The following CDH12 variants were observed in gnomAD, a reference collection of about 807,000 sequenced individuals.
The protein encoded by CDH12 is cadherin-12.
In CDH12, 41 loss-of-function variants were observed where a neutral mutation model predicts 74.1. The ratio of observed to expected loss-of-function variants is 0.55; its 90% CI spans 0.43 to 0.72. The LOEUF (loss-of-function observed/expected upper bound fraction) is 0.72, where lower values mean the gene tolerates loss of function less well. Among genes scored for constraint, CDH12 ranks in the 30% least tolerant of loss-of-function variants. The probability of loss-of-function intolerance (pLI) is 0.00; values close to 1 mark genes in which losing one functional copy is unlikely to be tolerated. For missense variants in CDH12, 945 were observed against 977.2 expected (o/e 0.97, Z 0.44); for synonymous variants, 399 against 355.0 (o/e 1.12, Z -1.39).
chr5:21,794,880 A>C (rs2149912653), intron 10 of CDH12, among the ~76,000 whole-genome samples: 1 of 151,674 alleles, frequency 6.6e-6, no homozygotes, highest in Admixed American at 6.6e-5. Context: ...CTCATTTTGT[A>C]TAACTCTAAT....
intron 9 of CDH12, among the ~76,000 whole-genome samples, chr5:21,807,672 T>C (rs1454185880): frequency 6.6e-6 from 1 of 152,014 alleles, no homozygotes; most frequent in Non-Finnish European, 1.5e-5. Context: ...TATAGATATT[T>C]TGAGGAATTT....
At chr5:22,373,561 T>TA (rs1741389515) in intron 3 of CDH12, among the ~76,000 whole-genome samples, 1 of 152,276 alleles carries the variant, frequency 6.6e-6, no homozygotes, top group East Asian at 1.9e-4. Flanking sequence ...AGAACACTGC[T>TA]ACCACCACTG....
chr5:22,529,528 G>C lies in CDH12; in HGVS notation c.-522-24164C>G, dbSNP rs80152263. Among the ~76,000 whole-genome samples, 399 of 152,168 alleles carry C rather than the reference G, an allele frequency of 2.6e-3. 5 individuals are homozygous for C. Among genetic ancestry groups the C allele is most frequent in the African/African-American group, 9.0e-3 (373 of 41,534 alleles). ...TACTTTGGGGAGAGTCAGCCTTTTGGTTCCATCTAGGCCATCAGCTGATTG... is the reference window on the plus strand; with the variant it reads ...TACTTTGGGGAGAGTCAGCCTTTTGCTTCCATCTAGGCCATCAGCTGATTG... On this transcript the variant is annotated intron_variant, in intron 1 of 14. Coordinates refer to ENST00000382254, the MANE Select transcript of CDH12 (RefSeq NM_004061.5).
intron 5 of CDH12, among the ~76,000 whole-genome samples, chr5:22,021,435 A>G (rs1737966430): frequency 6.6e-6 from 1 of 152,188 alleles, no homozygotes; most frequent in African/African-American, 2.4e-5. Context: ...TGACCTAGGG[A>G]AAGTACCGAG....
At chr5:22,625,488 C>T (rs1738239012) in intron 1 of CDH12, among the ~76,000 whole-genome samples, 1 of 152,122 alleles carries the variant, frequency 6.6e-6, no homozygotes, top group East Asian at 1.9e-4. Context: ...GGGAAGGATG[C>T]CAGCCTGTAT....
chr5:22,097,989 A>C (rs1390566643), intron 4 of CDH12, among the ~76,000 whole-genome samples: 1 of 152,220 alleles, frequency 6.6e-6, no homozygotes, highest in Non-Finnish European at 1.5e-5. Context: ...TGCCTTATCA[A>C]CCAAATTGTT....
intron 2 of CDH12, among the ~76,000 whole-genome samples, chr5:22,430,733 A>G (rs1392082622): frequency 1.3e-5 from 2 of 152,164 alleles, no homozygotes; most frequent in South Asian, 2.1e-4. Flanking sequence ...ATATTGGCCA[A>G]TGAAATTGCT....
intron 1 of CDH12, among the ~76,000 whole-genome samples, chr5:22,780,913 C>G (rs1026965869): frequency 6.6e-6 from 1 of 152,126 alleles, no homozygotes; most frequent in African/African-American, 2.4e-5. Flanking sequence ...GAACAGCTCA[C>G]TGTCAGCTGA....
intron 2 of CDH12, among the ~76,000 whole-genome samples, chr5:22,436,404 C>T (rs1744395765): frequency 6.7e-6 from 1 of 149,736 alleles, no homozygotes; most frequent in Non-Finnish European, 1.5e-5. Context: ...CAAACCTGCA[C>T]GTTGTGCACA....
chr5:22,356,408 C>A (rs1465855292), intron 3 of CDH12, among the ~76,000 whole-genome samples: 2 of 152,150 alleles, frequency 1.3e-5, no homozygotes, highest in Non-Finnish European at 2.9e-5. Context: ...ATTCCATTTA[C>A]AATGAGTATG....
In CDH12 at chr5:21,920,362, C is replaced by A. The variant is rs560209408; in HGVS notation, c.526+54729G>T. 1.8e-4 allele frequency among the ~76,000 whole-genome samples: 27 copies of A among 152,152 alleles called. 1 individual carries two copies. Among genetic ancestry groups the A allele is most frequent in the South Asian group, 1.7e-3 (8 of 4,826 alleles). On this transcript the variant is annotated intron_variant, in intron 6 of 14. Coordinates refer to ENST00000382254, the MANE Select transcript of CDH12 (RefSeq NM_004061.5). ...TCAGATATCTTGGCTCTATCAGAAGCCTCAGATGAATGTAAGTTACTTTGA... is the reference window on the plus strand; with the variant it reads ...TCAGATATCTTGGCTCTATCAGAAGACTCAGATGAATGTAAGTTACTTTGA...
At chr5:22,093,523 A>G (rs1351134513) in intron 4 of CDH12, among the ~76,000 whole-genome samples, 1 of 152,208 alleles carries the variant, frequency 6.6e-6, no homozygotes, top group Non-Finnish European at 1.5e-5. Flanking sequence ...GTTATAAAAG[A>G]TTACATATTA....
In CDH12 at chr5:22,077,047, AGTGTGTGTGT is replaced by A. The variant is rs5866546; in HGVS notation, c.231+1389_231+1398del. Among the ~76,000 whole-genome samples the A allele has an allele frequency of 8.6e-4, 128 of 149,122 alleles. 1 individual carries two copies. The highest frequency in any genetic ancestry group is 4.1e-3 in the South Asian group (19 of 4,658). On this transcript the variant is annotated intron_variant, in intron 5 of 14. Transcript: ENST00000382254. ...TAGTTCATAGTTCTTGCTTAATGGC[AGTGTGTGTGT>A]GTGTGTGTGTGTGTGTGTGTGCGCG...
intron 4 of CDH12, among the ~76,000 whole-genome samples, chr5:22,123,918 G>A (rs1269627562): frequency 6.6e-6 from 1 of 151,330 alleles, no homozygotes; most frequent in African/African-American, 2.4e-5. Context: ...TCGTTTCCTT[G>A]AGTTTTTTAA....
chr5:21,795,778 CTG>C (rs1243970435), intron 10 of CDH12, among the ~76,000 whole-genome samples: 2 of 151,948 alleles, frequency 1.3e-5, no homozygotes, highest in Non-Finnish European at 1.5e-5. Flanking sequence ...CCAAAGTGTG[CTG>C]TGTCTGAACT....
At chr5:22,720,047 C>CAA (rs34786620) in intron 1 of CDH12, among the ~76,000 whole-genome samples, 2 of 151,760 alleles carry the variant, frequency 1.3e-5, no homozygotes, top group South Asian at 2.1e-4. Context: ...AACACACACA[C>CAA]ACACACACAC....
chr5:22,509,784 C>A (rs143852993), intron 1 of CDH12, among the ~76,000 whole-genome samples: 1 of 152,100 alleles, frequency 6.6e-6, no homozygotes, highest in East Asian at 1.9e-4. Flanking sequence ...CAAGACTGGC[C>A]ATAGATAGAA....
At chr5:22,403,116 T>C (rs1056786716) in intron 3 of CDH12, among the ~76,000 whole-genome samples, 1 of 152,158 alleles carries the variant, frequency 6.6e-6, no homozygotes, top group Non-Finnish European at 1.5e-5. Flanking sequence ...GAGAGAGGCA[T>C]GGACTGCATT....
At chr5:21,812,631 A>T (rs1747810553) in intron 9 of CDH12, among the ~76,000 whole-genome samples, 1 of 152,158 alleles carries the variant, frequency 6.6e-6, no homozygotes, top group African/African-American at 2.4e-5. Flanking sequence ...ATTCAATGAG[A>T]TATTTTCTCA....
Sources: allele counts gnomAD v4.1 joint callset (sites outside exome capture counted in the v4.1 genomes callset), GRCh38; gene constraint gnomAD v4.1.1; transcripts MANE v1.5; gene names NCBI Gene and HGNC (gene_info 2026-07-23, HGNC 2026-07-21).